MGAM2: variants seen among roughly 807,000 people sequenced by gnomAD.
MGAM2 encodes maltase-glucoamylase 2 (putative).
In MGAM2, 98 loss-of-function variants were observed where a neutral mutation model predicts 96.1. The observed-to-expected ratio is 1.02, with a 90% CI of 0.87 to 1.21. MGAM2 has a LOEUF of 1.21. Among genes scored for constraint, MGAM2 ranks in the 50% most tolerant of loss-of-function variants. The pLI, the probability that MGAM2 is intolerant of heterozygous loss-of-function variation, is 0.00. For synonymous variants in MGAM2, 749 were observed against 414.8 expected (o/e 1.81, Z -9.79); for missense variants, 2,055 against 1,182.4 (o/e 1.74, Z -10.82).
At chr7:142,171,525 T>C (rs1796184643) in intron 28 of MGAM2, 85 bp downstream of exon 28, 1 of 618,336 alleles carries the variant, frequency 1.6e-6, no homozygotes, top group Admixed American at 2.4e-5. Context: ...GATACCTTGC[T>C]CATCAACCTC....
intron 33 of MGAM2, among the ~76,000 whole-genome samples, chr7:142,184,757 A>C (rs557440096): frequency 2.0e-5 from 3 of 152,328 alleles, no homozygotes; most frequent in Admixed American, 6.5e-5. Flanking sequence ...CTTATTATGA[A>C]TTTTGTTATA....
chr7:142,204,921 G>A (rs1374734565), intron 45 of MGAM2, among the ~76,000 whole-genome samples: 1 of 152,042 alleles, frequency 6.6e-6, no homozygotes, highest in African/African-American at 2.4e-5. Context: ...CCTTATAAGG[G>A]CATACTACGG....
At chr7:142,216,671 A>G (rs970976014) in intron 46 of MGAM2, among the ~76,000 whole-genome samples, 1 of 152,144 alleles carries the variant, frequency 6.6e-6, no homozygotes, top group Non-Finnish European at 1.5e-5. Context: ...TTAAAAATCA[A>G]CTCTCTCAAA....
chr7:142,175,407 T>C (rs148799482), intron 31 of MGAM2, among the ~76,000 whole-genome samples: 6 of 151,610 alleles, frequency 4.0e-5, no homozygotes, highest in Non-Finnish European at 8.8e-5. Flanking sequence ...GGAAAGGGGA[T>C]AGAGTTCCAA....
intron 32 of MGAM2, among the ~76,000 whole-genome samples, chr7:142,180,691 C>T (rs1182359766): frequency 1.3e-5 from 2 of 151,914 alleles, no homozygotes; most frequent in African/African-American, 4.8e-5. Context: ...TAGATTTGGC[C>T]TCTTTACATA....
chr7:142,117,627 C>A (rs1817458095), intron 2 of MGAM2, among the ~76,000 whole-genome samples: 1 of 152,158 alleles, frequency 6.6e-6, no homozygotes, highest in Non-Finnish European at 1.5e-5. Flanking sequence ...TGAAAAGAAG[C>A]TGTCCTGATG....
At chr7:142,189,089 T>A (rs185366778) in intron 36 of MGAM2, among the ~76,000 whole-genome samples, 142 of 152,334 alleles carry the variant, frequency 9.3e-4, no homozygotes, top group African/African-American at 3.2e-3. Context: ...AAGGAGTTTA[T>A]TATGTTGGCA....
chr7:142,133,717 A>G (rs1794974631), intron 6 of MGAM2, among the ~76,000 whole-genome samples: 1 of 152,158 alleles, frequency 6.6e-6, no homozygotes, highest in Non-Finnish European at 1.5e-5. Context: ...CCTGGTATGT[A>G]GTAGATGCAC....
rs985337533 is a variant in MGAM2 at position 142,221,220 on chromosome 7, A to T, written c.6709A>T (p.Met2237Leu). ...DVASTNNDAS[M>L]TNFLLATMSA... ...TGCTAGCACAAATAATGATGCTTCT[A>T]TGACAAATTTTCTTTTAGCTACAAT... is the stretch of plus-strand genomic sequence containing the variant. Residue 2237 changes from methionine (M) to leucine (L), a missense_variant, in exon 48 of 48, where the codon ATG becomes TTG. Physicochemically the swap from Met to Leu is conservative, Grantham distance 15. Transcript: ENST00000477922. The T allele has an allele frequency of 5.7e-6, 4 of 701,778 alleles. No individual in the cohort carries two copies. Among genetic ancestry groups the T allele is most frequent in the Non-Finnish European group, 7.8e-6 (3 of 384,388 alleles). The allele number at this position is 701,778 out of a possible 1,614,324, so 43.5% of individuals were successfully genotyped here.
chr7:142,116,910 A>C lies in MGAM2; in HGVS notation c.37A>C (p.Ile13Leu). The part of the protein sequence containing the change: ...RKLSVLEVLL[I>L]IFCLIVVTID... ...GCTCAGTGTATTGGAAGTCCTTCTG[A>C]TCATCTTCTGCTTAATTGTGGTGAC... Residue 13 changes from isoleucine (I) to leucine (L), a missense_variant, in exon 2 of 48, where the codon ATC (isoleucine) becomes CTC (leucine). Transcript: ENST00000477922. The C allele has an allele frequency of 1.4e-6, 1 of 703,490 alleles. No individual in the cohort carries two copies. Among genetic ancestry groups the C allele is most frequent in the Non-Finnish European group, 2.6e-6 (1 of 385,086 alleles). The allele number at this position is 703,490 out of a possible 1,614,324, so 43.6% of individuals were successfully genotyped here. A position where few individuals can be genotyped will look rare whatever the true frequency, so the allele number is the denominator to read the frequency against.
At chr7:142,217,937 A>T (rs899382198) in intron 46 of MGAM2, among the ~76,000 whole-genome samples, 1 of 151,976 alleles carries the variant, frequency 6.6e-6, no homozygotes, top group Admixed American at 6.6e-5. Flanking sequence ...TACAAAAATT[A>T]GCCGGGTATG....
chr7:142,140,097 A>G (rs778002730), intron 10 of MGAM2, among the ~76,000 whole-genome samples: 1 of 152,148 alleles, frequency 6.6e-6, no homozygotes, highest in Non-Finnish European at 1.5e-5. Flanking sequence ...TTAGAAGAAC[A>G]CTTCCTTTGT....
chr7:142,212,813 C>T (rs1466929616), intron 46 of MGAM2, among the ~76,000 whole-genome samples: 1 of 152,146 alleles, frequency 6.6e-6, no homozygotes, highest in Admixed American at 6.6e-5. Flanking sequence ...AGAACTTGAA[C>T]TCAGCTCTGG....
intron 14 of MGAM2, among the ~76,000 whole-genome samples, chr7:142,146,890 G>T (rs565703601): frequency 7.2e-5 from 11 of 152,134 alleles, no homozygotes; most frequent in Non-Finnish European, 1.5e-4. Flanking sequence ...ACCATGCCTG[G>T]CTAATTTTTG....
At chr7:142,179,162 G>A (rs1220134717) in intron 32 of MGAM2, among the ~76,000 whole-genome samples, 4 of 152,038 alleles carry the variant, frequency 2.6e-5, no homozygotes, top group Non-Finnish European at 5.9e-5. Flanking sequence ...CAGCTTGAAC[G>A]TTATTGATGT....
rs1444436530 is a variant in MGAM2, at chr7:142,189,487, A to G, written c.4328A>G (p.Gln1443Arg). The G allele has an allele frequency of 1.2e-6, 1 of 855,756 alleles. No homozygotes were observed. Among genetic ancestry groups the G allele is most frequent in the Non-Finnish European group, 1.9e-6 (1 of 518,774 alleles). 53.0% of individuals were successfully genotyped at this position (855,756 alleles called of 1,614,324 possible). Residue 1443 changes from glutamine (Q) to arginine (R), a missense_variant, in exon 37 of 48, where the codon CAG (glutamine) becomes CGG (arginine). Gln to Arg is a conservative substitution (Grantham distance 43). Transcript: ENST00000477922. ...GTGCACAACCTGTACGGGTGGTCCC[A>G]GACCAGACCCACATACGAGTGAGTG... ...YNVHNLYGWS[Q>R]TRPTYEAVQE... is the part of the protein sequence containing the mutation.
intron 26 of MGAM2, among the ~76,000 whole-genome samples, chr7:142,167,840 G>T (rs58671043): frequency 6.6e-6 from 1 of 152,246 alleles, no homozygotes; most frequent in South Asian, 2.1e-4. Flanking sequence ...CCAAAGTGCT[G>T]GGGTTACAGG....
intron 37 of MGAM2, among the ~76,000 whole-genome samples, chr7:142,194,924 T>C (rs915846502): frequency 6.6e-6 from 1 of 152,218 alleles, no homozygotes; most frequent in Non-Finnish European, 1.5e-5. Flanking sequence ...GTAGACTTTC[T>C]CTTTTGTTCA....
chr7:142,170,352 T>A lies in MGAM2; in HGVS notation c.3182+123T>A, dbSNP rs1235271236. The A allele has an allele frequency of 7.8e-5, 39 of 497,874 alleles. No homozygotes were observed. In the Admixed American group the frequency reaches 1.5e-3, roughly 19 times the overall value. The allele number at this position is 497,874 out of a possible 1,614,324, so 30.8% of individuals were successfully genotyped here. On this transcript the variant is annotated intron_variant, in intron 27 of 47. Transcript: ENST00000477922. ...GGAAATAGGTGTGCATTTGTTAGAG[T>A]ATATCTATTTTTCCCATGCTTTAAT...
Sources: gnomAD v4.1 joint callset for allele counts (sites outside exome capture counted in the v4.1 genomes callset) on GRCh38, gnomAD v4.1.1 for gene constraint, MANE v1.5 for transcripts, NCBI Gene and HGNC (gene_info 2026-07-23, HGNC 2026-07-21) for gene names.